Variants in MINDY4 observed in about 807,000 individuals in gnomAD.
The protein encoded by MINDY4 is MINDY lysine 48 deubiquitinase 4, also known as probable ubiquitin carboxyl-terminal hydrolase MINDY-4.
A neutral mutation model predicts 87.0 loss-of-function variants in MINDY4; 68 were observed. That is an observed-to-expected ratio of 0.78 (90% CI 0.64 to 0.96). MINDY4 has a LOEUF of 0.96. Among genes scored for constraint, MINDY4 ranks in the 40% least tolerant of loss-of-function variants. MINDY4 has a pLI of 0.00. For synonymous variants in MINDY4, 379 were observed against 363.2 expected (o/e 1.04, Z -0.50); for missense variants, 919 against 928.2 (o/e 0.99, Z 0.13).
At chr7:30,794,226 C>T (rs1025957738) in intron 5 of MINDY4, among the ~76,000 whole-genome samples, 4 of 152,162 alleles carry the variant, frequency 2.6e-5, no homozygotes, top group Non-Finnish European at 5.9e-5. Flanking sequence ...TGCCCCCTTC[C>T]CCTTGTTTTT....
At chr7:30,798,890 C>T (rs2128170320) in intron 5 of MINDY4, among the ~76,000 whole-genome samples, 1 of 152,308 alleles carries the variant, frequency 6.6e-6, no homozygotes, top group African/African-American at 2.4e-5. Context: ...GCAGTCCACA[C>T]ATGTGAGCAG....
chr7:30,800,408 A>G (rs1222703539), intron 5 of MINDY4, among the ~76,000 whole-genome samples: 1 of 152,172 alleles, frequency 6.6e-6, no homozygotes, highest in East Asian at 1.9e-4. Context: ...AGAGCATCAT[A>G]TTACCCATTA....
intron 5 of MINDY4, among the ~76,000 whole-genome samples, chr7:30,806,688 C>T (rs535853265): frequency 3.9e-5 from 6 of 152,362 alleles, no homozygotes; most frequent in South Asian, 2.1e-4. Flanking sequence ...CTTTTGGAAA[C>T]GTTTGTGGAT....
intron 7 of MINDY4, among the ~76,000 whole-genome samples, chr7:30,838,224 C>T (rs1418445315): frequency 6.6e-5 from 10 of 152,126 alleles, no homozygotes; most frequent in Admixed American, 6.5e-4. Context: ...ATTCTGGGGG[C>T]TCTGGAGGGT....
intron 6 of MINDY4, among the ~76,000 whole-genome samples, chr7:30,830,684 A>T (rs1788675126): frequency 2.0e-5 from 3 of 152,140 alleles, no homozygotes; most frequent in South Asian, 2.1e-4. Flanking sequence ...CCCTCCTATG[A>T]CATGTGGGGA....
At chr7:30,886,096 G>T (rs1790625391) in intron 17 of MINDY4, among the ~76,000 whole-genome samples, 1 of 152,182 alleles carries the variant, frequency 6.6e-6, no homozygotes, top group Non-Finnish European at 1.5e-5. Context: ...TGACATCGTG[G>T]CATGAGCTCA....
In MINDY4 at chr7:30,836,781, T is replaced by C; in HGVS notation, c.1239+17T>C. 2 of 1,591,538 alleles carry C rather than the reference T, an allele frequency of 1.3e-6. No individual in the cohort carries two copies. Among genetic ancestry groups the C allele is most frequent in the Non-Finnish European group, 1.7e-6 (2 of 1,159,770 alleles). ...GTAGCAAAGGTAAGTGTAAGGAGAC[T>C]CCTGGGTTAAATGTGTCTTGATTTG... On this transcript the variant is annotated intron_variant, in intron 7 of 17. Transcript: ENST00000265299.
chr7:30,850,411 T>G, intron 9 of MINDY4, 43 bp from the exon 10 acceptor site: 5 of 1,545,958 alleles, frequency 3.2e-6, no homozygotes, highest in Non-Finnish European at 4.4e-6. Flanking sequence ...ATCTCAACCT[T>G]GTGTCCACAT....
intron 3 of MINDY4, among the ~76,000 whole-genome samples, chr7:30,783,586 A>T (rs1787067265): frequency 6.6e-6 from 1 of 152,194 alleles, no homozygotes; most frequent in Non-Finnish European, 1.5e-5. Flanking sequence ...CTCTGGCATA[A>T]ATGAATTAAT....
At chr7:30,882,067 C>T (rs986824575) in intron 15 of MINDY4, 114 bp from the exon 16 acceptor site, 49 of 1,050,028 alleles carry the variant, frequency 4.7e-5, no homozygotes, top group Admixed American at 6.8e-5. Flanking sequence ...CAGACACAAA[C>T]GTGATCTTCA....
intron 5 of MINDY4, among the ~76,000 whole-genome samples, chr7:30,797,135 C>T (rs1787513221): frequency 6.6e-6 from 1 of 152,138 alleles, no homozygotes; most frequent in African/African-American, 2.4e-5. Context: ...AAATCAAGGT[C>T]CCCATCCCTG....
intron 1 of MINDY4, among the ~76,000 whole-genome samples, chr7:30,771,766 C>T (rs1479949702): frequency 2.0e-5 from 3 of 152,232 alleles, no homozygotes; most frequent in African/African-American, 7.2e-5. Flanking sequence ...CGGGCGCTTC[C>T]GCAAGGCACG....
At chr7:30,841,054 G>A (rs1789018765) in intron 9 of MINDY4, among the ~76,000 whole-genome samples, 1 of 152,190 alleles carries the variant, frequency 6.6e-6, no homozygotes, top group Non-Finnish European at 1.5e-5. Context: ...TGAAAGCGGG[G>A]AGGGTTCTCA....
At chr7:30,792,091 A>G (rs1401928304) in intron 5 of MINDY4, among the ~76,000 whole-genome samples, 1 of 152,178 alleles carries the variant, frequency 6.6e-6, no homozygotes, top group Non-Finnish European at 1.5e-5. Context: ...GTGATGAATC[A>G]GCTCCCACAA....
Position 30,864,671 on chromosome 7 carries a change from C to T in MINDY4, c.1745+5347C>T, listed in dbSNP as rs139596467. Among the ~76,000 whole-genome samples the T allele has an allele frequency of 2.6e-5, 4 of 152,340 alleles. No homozygotes were observed. In the East Asian group the frequency reaches 7.7e-4, roughly 29 times the overall value. On this transcript the variant is annotated intron_variant, in intron 13 of 17. Transcript: ENST00000265299. Reference sequence around the variant, plus strand: ...TGGCCAGGCCTGGGCTGCACCATCACATATATATGGACATGGGGTATCCCC... The same window carrying T: ...TGGCCAGGCCTGGGCTGCACCATCATATATATATGGACATGGGGTATCCCC...
intron 5 of MINDY4, chr7:30,803,056 C>T (rs1266126062): frequency 6.6e-6 from 1 of 152,302 alleles, no homozygotes; most frequent in Non-Finnish European, 1.5e-5. Context: ...CCAATCAAAC[C>T]AGCCAACTCA....
intron 9 of MINDY4, 34 bp from the exon 10 acceptor site, chr7:30,850,420 A>C: frequency 6.3e-7 from 1 of 1,578,444 alleles, no homozygotes; most frequent in African/African-American, 1.3e-5. Flanking sequence ...TTGTGTCCAC[A>C]TGGGCATAAA....
chr7:30,814,126 AC>A (rs1368519115), intron 5 of MINDY4, among the ~76,000 whole-genome samples: 1 of 152,246 alleles, frequency 6.6e-6, no homozygotes, highest in African/African-American at 2.4e-5. Context: ...CCTGAAACTT[AC>A]ACAATCTGAG....
chr7:30,772,734 G>A (rs1303951833), intron 1 of MINDY4, among the ~76,000 whole-genome samples: 2 of 152,202 alleles, frequency 1.3e-5, no homozygotes, highest in East Asian at 3.9e-4. Context: ...CTGTCTTTAT[G>A]GCTAATTGAC....
Sources: gnomAD v4.1 joint callset for allele counts (sites outside exome capture counted in the v4.1 genomes callset) on GRCh38, gnomAD v4.1.1 for gene constraint, MANE v1.5 for transcripts, NCBI Gene and HGNC (gene_info 2026-07-23, HGNC 2026-07-21) for gene names.